The following MRTFA variants were observed in gnomAD, a reference collection of about 807,000 sequenced individuals.
The protein encoded by MRTFA is myocardin-related transcription factor A.
A neutral mutation model predicts 83.5 loss-of-function variants in MRTFA; 20 were observed. That is an observed-to-expected ratio of 0.24 (90% CI 0.17 to 0.35). The LOEUF is 0.35. Ranked by LOEUF, MRTFA falls within the 10% of genes least tolerant of loss-of-function variation. The pLI, the probability that MRTFA is intolerant of heterozygous loss-of-function variation, is 1.00. For missense variants in MRTFA, 1,200 were observed against 1,224.7 expected (o/e 0.98, Z 0.30); for synonymous variants, 659 against 541.2 (o/e 1.22, Z -3.02).
chr22:40,411,509 G>T lies in MRTFA; in HGVS notation c.2977C>A (p.Leu993Met). 6.2e-7 allele frequency: 1 copy of T among 1,612,386 alleles called. No homozygotes were observed. The highest frequency in any genetic ancestry group is 1.1e-5 in the South Asian group (1 of 90,996). ...CTCAGCACGGGACCACCTGACGACA[G>T]CTCCAGCCAGTCCATGCTGTCCAGG... The change falls in exon 15 of 15, where the codon CTG (leucine) becomes ATG (methionine). Residue 993 changes from leucine to methionine, a missense_variant. By Grantham distance (15) the Leu-to-Met change is conservative. Around this residue, in one of 2 missense-constraint regions of MRTFA, gnomAD observed 1,107 missense variants for 1,041.8 expected, o/e 1.06. Coordinates refer to ENST00000355630, the MANE Select transcript of MRTFA (RefSeq NM_020831.6).
chr22:40,511,366 AG>A (rs981106595), intron 3 of MRTFA, among the ~76,000 whole-genome samples: 2 of 152,224 alleles, frequency 1.3e-5, no homozygotes, highest in African/African-American at 4.8e-5. Flanking sequence ...GTAGTCACTG[AG>A]AATGGCGATA....
At chr22:40,489,894 G>A (rs934852012) in intron 3 of MRTFA, among the ~76,000 whole-genome samples, 10 of 141,908 alleles carry the variant, frequency 7.0e-5, no homozygotes, top group South Asian at 2.2e-4. Flanking sequence ...CAAGAGAATC[G>A]CTTGAAGGCA....
chr22:40,566,590 G>A (rs1343379284), intron 2 of MRTFA, among the ~76,000 whole-genome samples: 1 of 152,060 alleles, frequency 6.6e-6, no homozygotes, highest in Non-Finnish European at 1.5e-5. Context: ...AAGCACTTTG[G>A]GAGGCCCAAG....
At chr22:40,624,675 G>A (rs1005745990) in intron 1 of MRTFA, among the ~76,000 whole-genome samples, 2 of 152,032 alleles carry the variant, frequency 1.3e-5, no homozygotes, top group African/African-American at 4.8e-5. Flanking sequence ...AGTGAATTTT[G>A]GAAGGCATTC....
intron 3 of MRTFA, among the ~76,000 whole-genome samples, chr22:40,471,562 T>C (rs1328628809): frequency 6.6e-6 from 1 of 152,162 alleles, no homozygotes; most frequent in African/African-American, 2.4e-5. Flanking sequence ...CCAGAAAGCT[T>C]CGCTGATATA....
chr22:40,469,699 C>T (rs1360773312), intron 3 of MRTFA, among the ~76,000 whole-genome samples: 1 of 152,128 alleles, frequency 6.6e-6, no homozygotes, highest in African/African-American at 2.4e-5. Flanking sequence ...CTCCCCAGGT[C>T]ACAACACATA....
At chr22:40,577,260 A>T (rs900025447) in intron 2 of MRTFA, among the ~76,000 whole-genome samples, 119 of 146,978 alleles carry the variant, frequency 8.1e-4, no homozygotes, top group African/African-American at 2.4e-3. Context: ...AAAAAAAATT[A>T]AAAAAAAAAG....
chr22:40,554,473 A>T (rs1470427910), intron 2 of MRTFA, among the ~76,000 whole-genome samples: 2 of 152,170 alleles, frequency 1.3e-5, no homozygotes, highest in African/African-American at 4.8e-5. Flanking sequence ...TGATGGTTTT[A>T]TAAGGGGCTT....
chr22:40,502,308 G>T (rs1187583715), intron 3 of MRTFA, among the ~76,000 whole-genome samples: 1 of 125,192 alleles, frequency 8.0e-6, no homozygotes, highest in African/African-American at 3.2e-5. Context: ...CTCAGACGGG[G>T]TGGTTGCCAG....
chr22:40,419,636 G>T (rs2052783039), intron 11 of MRTFA, among the ~76,000 whole-genome samples: 1 of 152,208 alleles, frequency 6.6e-6, no homozygotes, highest in East Asian at 1.9e-4. Flanking sequence ...GGTACATGGT[G>T]CCCACAGCTG....
At chr22:40,490,704 T>C (rs891767043) in intron 3 of MRTFA, among the ~76,000 whole-genome samples, 6 of 152,112 alleles carry the variant, frequency 3.9e-5, no homozygotes, top group South Asian at 2.1e-4. Flanking sequence ...CATTGCTGAC[T>C]CCACAGGCTC....
At chr22:40,614,411 C>CA (rs373173040) in intron 1 of MRTFA, among the ~76,000 whole-genome samples, 3,457 of 108,552 alleles carry the variant, frequency 0.032, 135 homozygotes, top group African/African-American at 0.11. Context: ...ACCCTGTCTC[C>CA]AAAAAAAAAA....
chr22:40,534,031 G>C (rs1348695801), intron 3 of MRTFA, among the ~76,000 whole-genome samples: 2 of 152,182 alleles, frequency 1.3e-5, no homozygotes, highest in African/African-American at 4.8e-5. Context: ...CACTATAAGA[G>C]ACTGCTGTTA....
chr22:40,502,718 CG>C (rs1300565339), intron 3 of MRTFA, among the ~76,000 whole-genome samples: 2 of 151,468 alleles, frequency 1.3e-5, no homozygotes, highest in Non-Finnish European at 2.9e-5. Flanking sequence ...TCCTTGCCCT[CG>C]GGCCCCGCGG....
At chr22:40,474,106 T>C (rs2053955695) in intron 3 of MRTFA, among the ~76,000 whole-genome samples, 1 of 152,190 alleles carries the variant, frequency 6.6e-6, no homozygotes, top group Non-Finnish European at 1.5e-5. Context: ...TTGTCATTGC[T>C]TTTAATGGCA....
At chr22:40,541,476 C>G (rs1162062169) in intron 3 of MRTFA, among the ~76,000 whole-genome samples, 1 of 152,148 alleles carries the variant, frequency 6.6e-6, no homozygotes, top group Non-Finnish European at 1.5e-5. Flanking sequence ...GGGCACCACT[C>G]AAAAGATAAC....
At chr22:40,519,677 G>T in intron 3 of MRTFA, 2 of 1,150,872 alleles carry the variant, frequency 1.7e-6, no homozygotes, top group Non-Finnish European at 1.1e-6. Flanking sequence ...TAAAAAAAAT[G>T]TTATAACAAT....
rs374530481 is a variant in MRTFA, at chr22:40,568,298, T to A, written c.-21-15931A>T. On this transcript the variant is annotated intron_variant, in intron 2 of 14. Coordinates refer to ENST00000355630, the MANE Select transcript of MRTFA (RefSeq NM_020831.6). ...ATTAAACTAATCTACTCTGGTAAGA[T>A]CAGTTACCACACAAAAGCAATGGCT... Among the ~76,000 whole-genome samples, 115 of 152,374 alleles carry A rather than the reference T, an allele frequency of 7.5e-4. 1 individual carries two copies. In the South Asian group the frequency reaches 0.022, roughly 29 times the overall value.
At chr22:40,502,915 G>A (rs1384613845) in intron 3 of MRTFA, among the ~76,000 whole-genome samples, 1 of 152,180 alleles carries the variant, frequency 6.6e-6, no homozygotes, top group African/African-American at 2.4e-5. Context: ...TCCAGGAAAC[G>A]CTAGGATCTT....
Sources: allele counts gnomAD v4.1 joint callset (sites outside exome capture counted in the v4.1 genomes callset), GRCh38; gene constraint gnomAD v4.1.1; regional missense constraint gnomAD v4.1.1; transcripts MANE v1.5; gene names NCBI Gene and HGNC (gene_info 2026-07-23, HGNC 2026-07-21).